The following ABAT variants were observed in gnomAD, a reference collection of about 807,000 sequenced individuals.
The protein encoded by ABAT is 4-aminobutyrate aminotransferase, mitochondrial.
A neutral mutation model predicts 64.6 loss-of-function variants in ABAT; 45 were observed. The observed-to-expected ratio is 0.70, with a 90% CI of 0.55 to 0.89. The LOEUF (loss-of-function observed/expected upper bound fraction) is 0.89. Among genes scored for constraint, ABAT ranks in the 40% least tolerant of loss-of-function variants. The pLI is 0.00. For missense variants in ABAT, 633 were observed against 658.4 expected, an observed-to-expected ratio of 0.96 and a Z score of 0.42; for synonymous variants, 297 against 250.5, an observed-to-expected ratio of 1.19 and a Z score of -1.75.
At chr16:8,753,356 A>G (rs2059548686) in intron 5 of ABAT, among the ~76,000 whole-genome samples, 4 of 151,980 alleles carry the variant, frequency 2.6e-5, no homozygotes, top group Admixed American at 2.6e-4. Flanking sequence ...TGGCCTCCCA[A>G]AGTGCTAGGA....
rs561390684 is a variant in ABAT at position 8,728,985 on chromosome 16, T to C, written c.-41-6714T>C. 3.9e-5 allele frequency among the ~76,000 whole-genome samples: 6 copies of C among 152,278 alleles called. No individual in the cohort carries two copies. The South Asian group carries it at 1.0e-3, about 26-fold the overall frequency. ...AATAAAATTTATTCTGTGAACTACGTCATTTTTATTCATGAAGCCTCATAT... is the reference window on the plus strand; with the variant it reads ...AATAAAATTTATTCTGTGAACTACGCCATTTTTATTCATGAAGCCTCATAT... On this transcript the variant is annotated intron_variant, in intron 1 of 15. Coordinates refer to ENST00000268251, the MANE Select transcript of ABAT (RefSeq NM_020686.6).
At chr16:8,731,272 C>T (rs1476769788) in intron 1 of ABAT, 1 of 152,186 alleles carries the variant, frequency 6.6e-6, no homozygotes, top group Non-Finnish European at 1.5e-5. Flanking sequence ...CAAAGAGAAA[C>T]TATTTCTTAG....
At chr16:8,754,147 C>G (rs1351733845) in intron 5 of ABAT, among the ~76,000 whole-genome samples, 2 of 137,774 alleles carry the variant, frequency 1.5e-5, no homozygotes, top group African/African-American at 5.5e-5. Context: ...GAGTTTGAGA[C>G]CAGCCTAGCC....
intron 2 of ABAT, among the ~76,000 whole-genome samples, chr16:8,737,939 G>GGAAAAGAA: frequency 4.0e-5 from 1 of 25,134 alleles, no homozygotes; most frequent in East Asian, 1.4e-3. Flanking sequence ...AAAAAAGAAA[G>GGAAAAGAA]GAAAGGAAGA....
intron 4 of ABAT, 54 bp downstream of exon 4, chr16:8,748,191 T>A: frequency 6.6e-7 from 1 of 1,522,694 alleles, no homozygotes; most frequent in Non-Finnish European, 9.1e-7. Flanking sequence ...ACAATTGAGC[T>A]AAAAGACAGA....
At chr16:8,775,702 A>G (rs1356871358) in intron 13 of ABAT, among the ~76,000 whole-genome samples, 2 of 152,234 alleles carry the variant, frequency 1.3e-5, no homozygotes, top group Non-Finnish European at 2.9e-5. Flanking sequence ...TCTAGGCAGT[A>G]GGAAAGAAAA....
intron 2 of ABAT, among the ~76,000 whole-genome samples, chr16:8,743,426 T>TATATATATATATATATAC (rs1337889792): frequency 3.1e-5 from 2 of 65,020 alleles, no homozygotes; most frequent in Non-Finnish European, 6.4e-5. Flanking sequence ...GAAACAGTTA[T>TATATATATATATATATAC]ATATATATAT....
At chr16:8,704,542 A>G (rs1288945865) in intron 1 of ABAT, among the ~76,000 whole-genome samples, 2 of 152,240 alleles carry the variant, frequency 1.3e-5, no homozygotes, top group East Asian at 1.9e-4. Flanking sequence ...CGGCCATGCC[A>G]TGGCCTCATA....
chr16:8,775,467 A>G (rs547598956), intron 13 of ABAT, among the ~76,000 whole-genome samples: 55 of 152,180 alleles, frequency 3.6e-4, no homozygotes, highest in African/African-American at 1.3e-3. Flanking sequence ...TAATTTGTCA[A>G]AGGTCACACA....
At chr16:8,692,684 A>G (rs1237806175) in intron 1 of ABAT, among the ~76,000 whole-genome samples, 2 of 152,188 alleles carry the variant, frequency 1.3e-5, no homozygotes, top group Admixed American at 6.6e-5. Flanking sequence ...AGGTCACTGC[A>G]CTCCGCTGGG....
At chr16:8,695,206 T>C (rs2057675163) in intron 1 of ABAT, among the ~76,000 whole-genome samples, 1 of 152,168 alleles carries the variant, frequency 6.6e-6, no homozygotes, top group South Asian at 2.1e-4. Flanking sequence ...GCTACGCGGT[T>C]TTGGGAGAAA....
At chr16:8,739,507 CAGG>C (rs1016647626) in intron 2 of ABAT, among the ~76,000 whole-genome samples, 6 of 152,138 alleles carry the variant, frequency 3.9e-5, no homozygotes, top group Admixed American at 3.9e-4. Flanking sequence ...CACCTGAGGT[CAGG>C]AGTTCAGGAC....
chr16:8,766,800 C>G (rs2142953961), intron 9 of ABAT, among the ~76,000 whole-genome samples: 1 of 152,292 alleles, frequency 6.6e-6, no homozygotes, highest in Non-Finnish European at 1.5e-5. Context: ...GAAACCCTGT[C>G]TCTACTAAAA....
intron 5 of ABAT, chr16:8,757,108 C>A (rs1204552339): frequency 2.2e-6 from 1 of 453,576 alleles, no homozygotes; most frequent in Non-Finnish European, 4.4e-6. Flanking sequence ...AGCACTAGGG[C>A]CTGTTGAACC....
In ABAT at chr16:8,738,616, G is replaced by GTTTTTTTTTTTTTTTTTTTTTTTTTT. The variant is rs772511380; in HGVS notation, c.70+2812_70+2813insTTTTTTTTTTTTTTTTTTTTTTTTTT. On this transcript the variant is annotated intron_variant, in intron 2 of 15. Transcript: ENST00000268251. ...TTTTTTCTTTTTTGTTTTTGTTTTT[G>GTTTTTTTTTTTTTTTTTTTTTTTTTT]TTTTTGTTTTTGTTTTTTTTTTGGT... Among the ~76,000 whole-genome samples, 7 of 117,576 alleles carry GTTTTTTTTTTTTTTTTTTTTTTTTTT rather than the reference G, an allele frequency of 6.0e-5. 1 individual carries two copies. The highest frequency in any genetic ancestry group is 1.9e-4 in the African/African-American group (5 of 26,200). The allele number at this position is 117,576 out of a possible 152,430, so 77.1% of individuals were successfully genotyped here. A position where few individuals can be genotyped will look rare whatever the true frequency, so the allele number is the denominator to read the frequency against.
chr16:8,686,869 A>G lies in ABAT; in HGVS notation c.-42+12158A>G, dbSNP rs532867920. 7.2e-5 allele frequency among the ~76,000 whole-genome samples: 11 copies of G among 152,346 alleles called. No individual in the cohort carries two copies. The East Asian group carries it at 1.7e-3, about 24-fold the overall frequency. Reference sequence around the variant, plus strand: ...ATGAGAAAGACTTGAAAAGTCATCAATGCTGAATATGAACTGATGGTATGT... The same window carrying G: ...ATGAGAAAGACTTGAAAAGTCATCAGTGCTGAATATGAACTGATGGTATGT... On this transcript the variant is annotated intron_variant, in intron 1 of 15. Transcript: ENST00000268251.
At chr16:8,684,049 C>T (rs771447049) in intron 1 of ABAT, among the ~76,000 whole-genome samples, 2 of 152,080 alleles carry the variant, frequency 1.3e-5, no homozygotes, top group African/African-American at 4.8e-5. Flanking sequence ...CGGAAACAGG[C>T]CCCAAAACAA....
chr16:8,756,050 A>G (rs1567305995), intron 5 of ABAT, among the ~76,000 whole-genome samples: 2 of 151,482 alleles, frequency 1.3e-5, no homozygotes, highest in African/African-American at 2.4e-5. Context: ...CTCTCTCTCA[A>G]AAAAAAAACA....
intron 1 of ABAT, among the ~76,000 whole-genome samples, chr16:8,702,418 A>G (rs954832931): frequency 6.6e-6 from 1 of 152,066 alleles, no homozygotes; most frequent in African/African-American, 2.4e-5. Context: ...ACGCCCAGTT[A>G]ATTTTTATAT....
Sources: allele counts gnomAD v4.1 joint callset (sites outside exome capture counted in the v4.1 genomes callset), GRCh38; gene constraint gnomAD v4.1.1; transcripts MANE v1.5; gene names NCBI Gene and HGNC (gene_info 2026-07-23, HGNC 2026-07-21).